Variants in LCOR observed in about 807,000 individuals in gnomAD.
LCOR encodes the protein ligand dependent nuclear receptor corepressor.
In LCOR, 14 loss-of-function variants were observed where a neutral mutation model predicts 64.4. The ratio of observed to expected loss-of-function variants is 0.22; its 90% CI spans 0.14 to 0.34. The LOEUF is 0.34. LCOR is among the 10% of genes least tolerant of loss of function. The pLI is 1.00. For missense variants in LCOR, 1,686 were observed against 1,765.3 expected, an observed-to-expected ratio of 0.96 and a Z score of 0.80; for synonymous variants, 643 against 642.5, an observed-to-expected ratio of 1.00 and a Z score of -0.01.
chr10:96,980,166 A>AC (rs1165826574), intron 7 of LCOR, among the ~76,000 whole-genome samples: 1 of 150,144 alleles, frequency 6.7e-6, no homozygotes, highest in Non-Finnish European at 1.5e-5. Flanking sequence ...ACAAAACAAA[A>AC]AAAAAAAACT....
At chr10:96,920,107 C>G (rs763161754) in intron 4 of LCOR, among the ~76,000 whole-genome samples, 2 of 151,998 alleles carry the variant, frequency 1.3e-5, no homozygotes, top group African/African-American at 2.4e-5. Flanking sequence ...ACAGTGCTAC[C>G]AGCAAGGCTA....
chr10:96,910,602 G>T (rs1459863278), intron 4 of LCOR, among the ~76,000 whole-genome samples: 1 of 152,046 alleles, frequency 6.6e-6, no homozygotes, highest in Non-Finnish European at 1.5e-5. Context: ...TTTGTTTTTT[G>T]GAAATGTATT....
chr10:96,952,983 T>G (rs1847708069), intron 7 of LCOR, among the ~76,000 whole-genome samples: 1 of 152,168 alleles, frequency 6.6e-6, no homozygotes. Context: ...ATTATCAATG[T>G]GGGGGAGTTA....
At chr10:96,958,445 C>A in intron 7 of LCOR, 1 of 1,228,806 alleles carries the variant, frequency 8.1e-7, no homozygotes, top group Non-Finnish European at 1.2e-6. Context: ...GAATGGTGTG[C>A]CTACCCTTTA....
intron 7 of LCOR, chr10:96,962,949 C>G (rs1443878401): frequency 6.6e-6 from 1 of 152,222 alleles, no homozygotes; most frequent in South Asian, 2.1e-4. Context: ...TCTTCTCACT[C>G]AATTCAGGTA....
intron 4 of LCOR, among the ~76,000 whole-genome samples, chr10:96,934,156 A>T (rs1057494919): frequency 6.6e-6 from 1 of 152,232 alleles, no homozygotes; most frequent in Non-Finnish European, 1.5e-5. Flanking sequence ...AGAGGATTCA[A>T]ATAAGATGGT....
chr10:96,886,566 T>C (rs377576588), intron 2 of LCOR, among the ~76,000 whole-genome samples: 11 of 152,350 alleles, frequency 7.2e-5, no homozygotes, highest in African/African-American at 2.4e-4. Flanking sequence ...TTGTAATAAT[T>C]GTAGATTCAG....
chr10:96,927,285 C>T (rs1358182278), intron 4 of LCOR, among the ~76,000 whole-genome samples: 2 of 151,944 alleles, frequency 1.3e-5, no homozygotes, highest in Non-Finnish European at 2.9e-5. Flanking sequence ...GCATCCTGTC[C>T]ATCTATATAT....
chr10:96,892,966 ATTTC>A (rs1420487137), intron 2 of LCOR, among the ~76,000 whole-genome samples: 6 of 152,138 alleles, frequency 3.9e-5, no homozygotes, highest in South Asian at 4.1e-4. Flanking sequence ...CCCATTTTAT[ATTTC>A]TTTCTGTCTG....
intron 2 of LCOR, among the ~76,000 whole-genome samples, chr10:96,852,793 T>C (rs986611492): frequency 2.6e-5 from 4 of 152,166 alleles, no homozygotes; most frequent in Middle Eastern, 3.2e-3. Context: ...AGTAAGTCTT[T>C]TTTTAGTGAC....
At chr10:96,864,479 T>C (rs865915936) in intron 2 of LCOR, among the ~76,000 whole-genome samples, 2 of 152,194 alleles carry the variant, frequency 1.3e-5, no homozygotes, top group South Asian at 4.1e-4. Context: ...CCAAGCACTA[T>C]ATGGGGATAT....
intron 2 of LCOR, among the ~76,000 whole-genome samples, chr10:96,862,508 C>T (rs911185480): frequency 1.3e-5 from 2 of 151,960 alleles, no homozygotes; most frequent in South Asian, 4.2e-4. Context: ...TCAGGTGATC[C>T]GCCCGCCTCA....
chr10:96,833,007 C>A, intron 1 of LCOR: 1 of 985,228 alleles, frequency 1.0e-6, no homozygotes, highest in Non-Finnish European at 1.2e-6. Flanking sequence ...CTGTCACAGT[C>A]CCCGGGTGCG....
intron 7 of LCOR, chr10:96,957,783 G>C (rs1330209093): frequency 2.0e-6 from 2 of 985,388 alleles, no homozygotes; most frequent in African/African-American, 3.5e-5. Context: ...TACATGCACT[G>C]CTCATTCTTG....
At chr10:96,862,233 A>C (rs984077412) in intron 2 of LCOR, among the ~76,000 whole-genome samples, 8 of 151,914 alleles carry the variant, frequency 5.3e-5, no homozygotes, top group Admixed American at 2.6e-4. Context: ...CAGTCCTTTT[A>C]AGTTTTTATG....
rs966434990 is a variant in LCOR at position 96,995,567 on chromosome 10, C to A, written c.*10433C>A. 1 of 152,084 alleles carries A rather than the reference C, an allele frequency of 6.6e-6. No homozygotes were observed. The highest frequency in any genetic ancestry group is 1.5e-5 in the Non-Finnish European group (1 of 68,010). 9.4% of individuals were successfully genotyped at this position (152,084 alleles called of 1,614,324 possible). On this transcript the variant is annotated 3_prime_UTR_variant, in exon 8 of 8. Transcript: ENST00000421806. This position sits in a 1 kb window ranked among gnomAD's most constrained non-coding sequence, Gnocchi z 4.2. ...ATGTTTACATACCTCACCTGAAGAACCTTTGAGAGTGTATATATAAAATTT... is the reference window on the plus strand; with the variant it reads ...ATGTTTACATACCTCACCTGAAGAAACTTTGAGAGTGTATATATAAAATTT...
chr10:96,936,243 C>T (rs911392199), intron 4 of LCOR, among the ~76,000 whole-genome samples: 16 of 152,182 alleles, frequency 1.1e-4, no homozygotes, highest in African/African-American at 3.4e-4. Context: ...CTTACCAAAA[C>T]GAATGAGATG....
chr10:96,983,049 T>G lies in LCOR; in HGVS notation c.2589T>G (p.Gly863=). 6.2e-7 allele frequency: 1 copy of G among 1,613,988 alleles called. No homozygotes were observed. Among genetic ancestry groups the G allele is most frequent in the Non-Finnish European group, 8.5e-7 (1 of 1,179,936 alleles). ...GTTCAAAAAAAGAAGGGCACCCTGG[T>G]GGGACAACACCTAAGGGCCTTCTAC... The part of the protein sequence containing the change: ...AKRSKKEGHP[G]GTTPKGLLPD... The change falls in exon 8 of 8, where the codon GGT becomes GGG. Residue 863 remains glycine (G), a synonymous_variant. Transcript: ENST00000421806. The surrounding 1 kb of genome is among the most constrained non-coding windows in gnomAD (Gnocchi z 4.5).
intron 2 of LCOR, among the ~76,000 whole-genome samples, chr10:96,902,267 T>G (rs2134447425): frequency 6.6e-6 from 1 of 152,300 alleles, no homozygotes; most frequent in African/African-American, 2.4e-5. Flanking sequence ...TTACTTCTCT[T>G]TGGTATATCT....
Sources: allele counts gnomAD v4.1 joint callset (sites outside exome capture counted in the v4.1 genomes callset), GRCh38; gene constraint gnomAD v4.1.1; non-coding constraint Gnocchi (gnomAD v3.1); transcripts MANE v1.5; gene names NCBI Gene and HGNC (gene_info 2026-07-23, HGNC 2026-07-21).